Variants in DTYMK observed in about 807,000 individuals in gnomAD.
The protein encoded by DTYMK is deoxythymidylate kinase, also known as thymidylate kinase.
DTYMK carries 20 observed loss-of-function variants against 20.3 expected under a neutral mutation model. The ratio of observed to expected loss-of-function variants is 0.99; its 90% confidence interval spans 0.69 to 1.43. DTYMK has a LOEUF of 1.43. Among genes scored for constraint, DTYMK ranks in the 40% most tolerant of loss-of-function variants. The pLI, the probability that DTYMK is intolerant of heterozygous loss-of-function variation, is 0.00. For synonymous variants in DTYMK, 148 were observed against 124.4 expected (o/e 1.19, Z -1.27); for missense variants, 320 against 291.1 (o/e 1.10, Z -0.72).
chr2:241,679,100 G>A (rs375947197), intron 3 of DTYMK, among the ~76,000 whole-genome samples: 26 of 152,248 alleles, frequency 1.7e-4, no homozygotes, highest in African/African-American at 6.0e-4. Context: ...TCCCGTGGAA[G>A]AGCAGGAAGA....
Position 241,675,955 on chromosome 2 carries a change from G to A in DTYMK, c.*172C>T, listed in dbSNP as rs557844909. On this transcript the variant is annotated 3_prime_UTR_variant, in exon 5 of 5. Transcript: ENST00000305784. ...CACTGCCAAGGTCCCCACCACGGGG[G>A]TCCCCAGTGCACCCCAGCTCCGGGG... 7 of 610,208 alleles carry A rather than the reference G, an allele frequency of 1.1e-5. No individual in the cohort carries two copies. The South Asian group carries it at 1.6e-4, about 14-fold the overall frequency. The allele number at this position is 610,208 out of a possible 1,614,324, so 37.8% of individuals were successfully genotyped here. A position where few individuals can be genotyped will look rare whatever the true frequency, so the allele number is the denominator to read the frequency against.
At chr2:241,683,224 AC>A (rs1180512363) in intron 2 of DTYMK, among the ~76,000 whole-genome samples, 1 of 152,192 alleles carries the variant, frequency 6.6e-6, no homozygotes, top group Non-Finnish European at 1.5e-5. Context: ...TGCCACACAC[AC>A]CTATCAGAAT....
intron 3 of DTYMK, among the ~76,000 whole-genome samples, chr2:241,680,002 T>C (rs2069203395): frequency 6.8e-6 from 1 of 146,312 alleles, no homozygotes; most frequent in Admixed American, 6.8e-5. Flanking sequence ...GTGGAAAATA[T>C]AATCCAAATA....
chr2:241,676,406 C>T (rs2069117543), intron 4 of DTYMK, among the ~76,000 whole-genome samples, 169 bp from the exon 5 acceptor site: 1 of 152,118 alleles, frequency 6.6e-6, no homozygotes, highest in Non-Finnish European at 1.5e-5. Flanking sequence ...CCCGTCTCTA[C>T]AAAAAATGTG....
Position 241,686,730 on chromosome 2 carries a change from C to A in DTYMK, c.54G>T (p.Gly18=). ...LIVLEGVDRA[G]KSTQSRKLVE... ...CCAGCTTGCGGCTCTGCGTGCTCTT[C>A]CCGGCGCGGTCCACGCCCTCCAGCA... The change falls in exon 1 of 5, where the codon GGG becomes GGT. Residue 18 remains glycine, a synonymous_variant. Coordinates refer to ENST00000305784, the MANE Select transcript of DTYMK (RefSeq NM_012145.4). 3 of 1,546,736 alleles carry A rather than the reference C, an allele frequency of 1.9e-6. No individual in the cohort carries two copies. The highest frequency in any genetic ancestry group is 2.6e-6 in the Non-Finnish European group (3 of 1,159,734).
At chr2:241,677,104 G>A (rs1038614293) in intron 4 of DTYMK, among the ~76,000 whole-genome samples, 1 of 152,248 alleles carries the variant, frequency 6.6e-6, no homozygotes, top group Admixed American at 6.5e-5. Context: ...GCATCTCAGC[G>A]GCATCCCGGC....
In DTYMK at chr2:241,685,862, A is replaced by C. The variant is rs2069381743; in HGVS notation, c.146T>G (p.Ile49Ser). ...CAAGTAGGAACTCAGAAGTTTGCCG[A>C]TTTCAGTTGATCTTTCTAGAAAAAA... ...LLRFPERSTE[I>S]GKLLSSYLQK... Residue 49 changes from isoleucine (I) to serine (S), a missense_variant, in exon 2 of 5, where the codon ATC becomes AGC. Physicochemically the swap from Ile to Ser is moderately radical, Grantham distance 142. Transcript: ENST00000305784. 30 of 1,614,124 alleles carry C rather than the reference A, an allele frequency of 1.9e-5. No homozygotes were observed. Among genetic ancestry groups the C allele is most frequent in the Non-Finnish European group, 2.5e-5 (29 of 1,179,996 alleles).
At position 241,678,616 on chromosome 2, in the gene DTYMK, C is replaced by T. The variant is rs768172745; in HGVS notation, c.364G>A (p.Val122Met). ...FSLDWCKQPDVGLPKPDLVLF... is the reference protein window; with the variant it reads ...FSLDWCKQPDMGLPKPDLVLF... Reference sequence around the variant, plus strand: ...ACCAGGTCGGGTTTGGGAAGGCCCACGTCTGGCTGTTTACACCAATCTAGG... The same window carrying T: ...ACCAGGTCGGGTTTGGGAAGGCCCATGTCTGGCTGTTTACACCAATCTAGG... The change falls in exon 4 of 5, where the codon GTG (valine) becomes ATG (methionine). Residue 122 changes from valine (V) to methionine (M), a missense_variant. Val to Met is a conservative substitution (Grantham distance 21, BLOSUM62 1). Coordinates refer to ENST00000305784, the MANE Select transcript of DTYMK (RefSeq NM_012145.4). 3.7e-5 allele frequency: 59 copies of T among 1,614,034 alleles called. No individual in the cohort carries two copies. The South Asian group carries it at 5.5e-4, about 15-fold the overall frequency.
At chr2:241,677,427 G>C (rs1188429192) in intron 4 of DTYMK, among the ~76,000 whole-genome samples, 3 of 152,246 alleles carry the variant, frequency 2.0e-5, no homozygotes, top group East Asian at 1.9e-4. Context: ...ACGAAAAGCT[G>C]CGTGACCAGC....
chr2:241,686,791 C>T lies in DTYMK; in HGVS notation c.-8G>A. On this transcript the variant is annotated 5_prime_UTR_variant, in exon 1 of 5. Transcript: ENST00000305784. Reference sequence around the variant, plus strand: ...CCCGCGCCGGGCCGCCATGACTGTCCACCGCCCGCCGCTGGCGTCTCCACG... The same window carrying T: ...CCCGCGCCGGGCCGCCATGACTGTCTACCGCCCGCCGCTGGCGTCTCCACG... The T allele has an allele frequency of 1.4e-6, 2 of 1,446,424 alleles. No homozygotes were observed. The highest frequency in any genetic ancestry group is 1.5e-5 in the African/African-American group (1 of 67,356). 89.6% of individuals were successfully genotyped at this position (1,446,424 alleles called of 1,614,324 possible).
At chr2:241,677,883 G>A (rs2069152035) in intron 4 of DTYMK, among the ~76,000 whole-genome samples, 1 of 152,252 alleles carries the variant, frequency 6.6e-6, no homozygotes, top group South Asian at 2.1e-4. Flanking sequence ...GCTCGTGTCT[G>A]AAGAGGGGCT....
chr2:241,678,932 A>G (rs7369610), intron 3 of DTYMK, among the ~76,000 whole-genome samples: 141,933 of 152,286 alleles, frequency 0.93, 66,303 homozygotes, highest in East Asian at 1. Flanking sequence ...CCCTCCCAGC[A>G]CAGCTACAGG....
chr2:241,685,558 G>C (rs1386570073), intron 2 of DTYMK: 2 of 469,426 alleles, frequency 4.3e-6, no homozygotes, highest in Non-Finnish European at 7.7e-6. Context: ...ATTAGTTATG[G>C]GGTGTGGGGA....
At chr2:241,680,565 C>T (rs1236727009) in intron 2 of DTYMK, among the ~76,000 whole-genome samples, 3 of 151,864 alleles carry the variant, frequency 2.0e-5, no homozygotes, top group South Asian at 2.1e-4. Flanking sequence ...CCCAGCTACT[C>T]GGGAGGCTGA....
chr2:241,685,206 T>TAA (rs540179173), intron 2 of DTYMK: 1 of 140,770 alleles, frequency 7.1e-6, no homozygotes, highest in Non-Finnish European at 1.6e-5. Flanking sequence ...GTCTTAAAAA[T>TAA]AAAAAAAAAA....
rs545750461 is a variant in DTYMK at position 241,682,053 on chromosome 2, A to T, written c.240-1734T>A. ...AGCAAGACATTTCTCCTAAAAAAAA[A>T]TAAGGCCAGGCAGGGTGGCTCATGC... On this transcript the variant is annotated intron_variant, in intron 2 of 4. Coordinates refer to ENST00000305784, the MANE Select transcript of DTYMK (RefSeq NM_012145.4). 8 of 322,364 alleles carry T rather than the reference A, an allele frequency of 2.5e-5. No homozygotes were observed. The East Asian group carries it at 3.2e-4, about 13-fold the overall frequency. The allele number at this position is 322,364 out of a possible 1,614,324, so 20.0% of individuals were successfully genotyped here.
intron 2 of DTYMK, 119 bp downstream of exon 2, chr2:241,685,650 G>T: frequency 1.8e-6 from 2 of 1,105,920 alleles, no homozygotes; most frequent in East Asian, 2.4e-5. Context: ...CTGCTAAACA[G>T]AAGAACATCA....
intron 2 of DTYMK, among the ~76,000 whole-genome samples, chr2:241,684,533 A>G (rs2069334914): frequency 6.6e-6 from 1 of 152,230 alleles, no homozygotes; most frequent in Non-Finnish European, 1.5e-5. Context: ...ACGACAATTA[A>G]AGAGAATGAG....
chr2:241,677,307 C>T (rs1197426725), intron 4 of DTYMK, among the ~76,000 whole-genome samples: 1 of 152,258 alleles, frequency 6.6e-6, no homozygotes, highest in East Asian at 1.9e-4. Flanking sequence ...TGCAGCCACA[C>T]AGCTGTCGCC....
Sources: allele counts gnomAD v4.1 joint callset (sites outside exome capture counted in the v4.1 genomes callset), GRCh38; gene constraint gnomAD v4.1.1; transcripts MANE v1.5; gene names NCBI Gene and HGNC (gene_info 2026-07-23, HGNC 2026-07-21).